The following PLCE1 variants were observed in gnomAD, a reference collection of about 807,000 sequenced individuals.
PLCE1 encodes the protein 1-phosphatidylinositol 4,5-bisphosphate phosphodiesterase epsilon-1.
In PLCE1, 119 loss-of-function variants were observed where a neutral mutation model predicts 242.8. The observed-to-expected ratio is 0.49, with a 90% CI of 0.42 to 0.57. PLCE1 has a LOEUF of 0.57. Ranked by LOEUF, PLCE1 falls within the 20% of genes least tolerant of loss-of-function variation. The probability of loss-of-function intolerance (pLI) is 0.00; values close to 1 mark genes in which losing one functional copy is unlikely to be tolerated. For missense variants in PLCE1, 2,441 were observed against 2,788.8 expected (o/e 0.88, Z 2.81); for synonymous variants, 945 against 1,017.4 (o/e 0.93, Z 1.35).
chr10:94,116,912 A>C (rs918638965), intron 2 of PLCE1, among the ~76,000 whole-genome samples: 8 of 152,130 alleles, frequency 5.3e-5, no homozygotes, highest in African/African-American at 1.9e-4. Flanking sequence ...AAAGACAAAG[A>C]GTTTCTGCTA....
chr10:94,255,053 G>A lies in PLCE1; in HGVS notation c.3554+4G>A, dbSNP rs186007341. ...CTTCAAACAAGAGCCCATCCAGGTG[G>A]GGCCTTAACATGATAAAACAGAAGG... is the stretch of plus-strand genomic sequence containing the variant. On this transcript the variant is annotated splice_donor_region_variant and intron_variant, in intron 11 of 32. Coordinates refer to ENST00000371380, the MANE Select transcript of PLCE1 (RefSeq NM_016341.4). 2.5e-5 allele frequency: 41 copies of A among 1,613,976 alleles called. No individual in the cohort carries two copies. Among genetic ancestry groups the A allele is most frequent in the Non-Finnish European group, 8.5e-7 (1 of 1,179,930 alleles).
intron 11 of PLCE1, among the ~76,000 whole-genome samples, chr10:94,256,555 T>A (rs1056493637): frequency 5.9e-5 from 9 of 152,138 alleles, no homozygotes; most frequent in African/African-American, 2.2e-4. Flanking sequence ...TTTAGATTCA[T>A]AACAAAACTA....
intron 7 of PLCE1, among the ~76,000 whole-genome samples, chr10:94,243,843 T>G (rs185154492): frequency 2.3e-3 from 354 of 152,360 alleles, no homozygotes; most frequent in African/African-American, 7.3e-3. Context: ...GTTTTGAAAT[T>G]GACATTTACA....
intron 2 of PLCE1, chr10:94,120,942 G>C (rs2046281149): frequency 6.6e-6 from 1 of 152,386 alleles, no homozygotes; most frequent in South Asian, 2.1e-4. Context: ...TGGGGACTAA[G>C]AGGAAGTTGA....
intron 27 of PLCE1, 82 bp downstream of exon 27, chr10:94,308,781 T>C: frequency 1.1e-6 from 1 of 872,350 alleles, no homozygotes; most frequent in Non-Finnish European, 2.0e-6. Context: ...AGCAAAGTGG[T>C]CGGTGTGAGT....
chr10:94,116,942 T>C (rs994451701), intron 2 of PLCE1, among the ~76,000 whole-genome samples: 1 of 152,178 alleles, frequency 6.6e-6, no homozygotes, highest in East Asian at 1.9e-4. Flanking sequence ...CATCTCTGAC[T>C]TCCCACAGTC....
At chr10:94,249,322 T>C (rs1451424987) in intron 8 of PLCE1, among the ~76,000 whole-genome samples, 1 of 152,146 alleles carries the variant, frequency 6.6e-6, no homozygotes, top group African/African-American at 2.4e-5. Flanking sequence ...GCTAACTTAG[T>C]ACTCAGAGAA....
chr10:94,220,388 A>ATT (rs2049694925), intron 4 of PLCE1, among the ~76,000 whole-genome samples: 1 of 115,284 alleles, frequency 8.7e-6, no homozygotes, highest in Admixed American at 8.4e-5. Context: ...ATATATATAT[A>ATT]TATATATATA....
Position 94,185,704 on chromosome 10 carries a change from G to A in PLCE1, c.1809+14208G>A, listed in dbSNP as rs567903184. Among the ~76,000 whole-genome samples the A allele has an allele frequency of 7.2e-5, 11 of 152,294 alleles. No individual in the cohort carries two copies. In the East Asian group the frequency reaches 2.1e-3, roughly 29 times the overall value. On this transcript the variant is annotated intron_variant, in intron 4 of 32. Coordinates refer to ENST00000371380, the MANE Select transcript of PLCE1 (RefSeq NM_016341.4). Reference sequence around the variant, plus strand: ...GTACAGGATAGGTTCTCAATAAATGGTAACTAGTGTGATTTGTGCAGAATG... The same window carrying A: ...GTACAGGATAGGTTCTCAATAAATGATAACTAGTGTGATTTGTGCAGAATG...
At position 94,325,005 on chromosome 10, in the gene PLCE1, A is replaced by C; in HGVS notation, c.6834A>C (p.Ser2278=). 6.2e-7 allele frequency: 1 copy of C among 1,614,212 alleles called. No homozygotes were observed. Among genetic ancestry groups the C allele is most frequent in the Non-Finnish European group, 8.5e-7 (1 of 1,180,022 alleles). Reference sequence around the variant, plus strand: ...CATCACCTTCTCAGCTCTTGACCTCAGAAAGTATCCAAACCAAGGAGGAGA... The same window carrying C: ...CATCACCTTCTCAGCTCTTGACCTCCGAAAGTATCCAAACCAAGGAGGAGA... The part of the protein sequence containing the change: ...GLTSPSQLLT[S]ESIQTKEEKP... Residue 2278 remains serine (S), a synonymous_variant, in exon 32 of 33, where the codon TCA becomes TCC. Transcript: ENST00000371380.
At chr10:94,288,627 G>A (rs2052542662) in intron 22 of PLCE1, among the ~76,000 whole-genome samples, 1 of 152,164 alleles carries the variant, frequency 6.6e-6, no homozygotes, top group African/African-American at 2.4e-5. Context: ...CAGATGATCT[G>A]GAAGTCTGAT....
chr10:94,321,206 A>G (rs1056556666), intron 29 of PLCE1, among the ~76,000 whole-genome samples: 4 of 152,234 alleles, frequency 2.6e-5, no homozygotes, highest in African/African-American at 9.6e-5. Context: ...CATTTCTTAA[A>G]TGCTCAACGT....
At chr10:94,159,710 T>C (rs2136199477) in intron 3 of PLCE1, among the ~76,000 whole-genome samples, 1 of 152,302 alleles carries the variant, frequency 6.6e-6, no homozygotes, top group Middle Eastern at 3.4e-3. Context: ...GTTGGTGTGC[T>C]GCACCCATTA....
chr10:94,184,271 T>C (rs2048401105), intron 4 of PLCE1, among the ~76,000 whole-genome samples: 1 of 152,176 alleles, frequency 6.6e-6, no homozygotes, highest in Non-Finnish European at 1.5e-5. Context: ...TGAAATAAAA[T>C]CCAAGATAAC....
intron 8 of PLCE1, among the ~76,000 whole-genome samples, chr10:94,248,591 AAAACAAAC>A (rs144360291): frequency 1.3e-5 from 2 of 151,210 alleles, no homozygotes; most frequent in African/African-American, 2.4e-5. Context: ...CTGTCTCAAA[AAAACAAAC>A]AAACAAACAA....
intron 1 of PLCE1, among the ~76,000 whole-genome samples, chr10:94,008,590 T>C (rs570986490): frequency 6.6e-6 from 1 of 152,336 alleles, no homozygotes; most frequent in Admixed American, 6.5e-5. Context: ...ATTACAAGCT[T>C]AAGCCATCAT....
At chr10:94,067,075 A>C (rs2044216115) in intron 2 of PLCE1, among the ~76,000 whole-genome samples, 1 of 152,134 alleles carries the variant, frequency 6.6e-6, no homozygotes, top group Non-Finnish European at 1.5e-5. Context: ...GGCCTCTTCA[A>C]AACAAAACCC....
chr10:94,311,611 T>C (rs1453251451), intron 27 of PLCE1, among the ~76,000 whole-genome samples: 4 of 152,218 alleles, frequency 2.6e-5, no homozygotes, highest in Non-Finnish European at 2.9e-5. Flanking sequence ...TTGATCATTC[T>C]ATTTCCTTAG....
At chr10:94,222,601 C>G (rs1204842745) in intron 4 of PLCE1, among the ~76,000 whole-genome samples, 2 of 152,210 alleles carry the variant, frequency 1.3e-5, no homozygotes, top group African/African-American at 4.8e-5. Context: ...ATGTTTTTAT[C>G]AGACTCCTGA....
Sources: allele counts gnomAD v4.1 joint callset (sites outside exome capture counted in the v4.1 genomes callset), GRCh38; gene constraint gnomAD v4.1.1; transcripts MANE v1.5; gene names NCBI Gene and HGNC (gene_info 2026-07-23, HGNC 2026-07-21).